VNN2: variants seen among roughly 807,000 people sequenced by gnomAD.
VNN2 encodes vanin 2, also known as pantetheine hydrolase VNN2.
VNN2 carries 43 observed loss-of-function variants against 43.0 expected under a neutral mutation model. The observed-to-expected ratio is 1.00, with a 90% CI of 0.78 to 1.29. VNN2 has a LOEUF of 1.29. Ranked by LOEUF, VNN2 falls within the 50% of genes most tolerant of loss-of-function variation. The pLI, the probability that VNN2 is intolerant of heterozygous loss-of-function variation, is 0.00. For missense variants in VNN2, 652 were observed against 619.7 expected (o/e 1.05, Z -0.55); for synonymous variants, 230 against 224.3 (o/e 1.03, Z -0.23).
chr6:132,758,045 T>TCTTC (rs1484257845), upstream of VNN2: 21 of 343,536 alleles, frequency 6.1e-5, no homozygotes, highest in African/African-American at 8.4e-4. Flanking sequence ...TCTTCTTTTT[T>TCTTC]TTTTTTTTTT....
intron 2 of VNN2, among the ~76,000 whole-genome samples, chr6:132,756,866 G>A (rs886541755): frequency 2.6e-5 from 4 of 152,090 alleles, no homozygotes; most frequent in African/African-American, 7.2e-5. Context: ...CAACTGCCAC[G>A]TTGACACCTC....
upstream of VNN2, among the ~76,000 whole-genome samples, chr6:132,759,438 C>CAAAAAAAAAAAAA (rs58195059): frequency 1.0e-4 from 7 of 69,164 alleles, no homozygotes; most frequent in Non-Finnish European, 1.2e-4. Flanking sequence ...AACTCCGTCT[C>CAAAAAAAAAAAAA]AAAAAAAAAA....
intron 2 of VNN2, 40 bp from the exon 3 acceptor site, chr6:132,756,075 A>T: frequency 2.7e-6 from 4 of 1,486,188 alleles, no homozygotes; most frequent in Non-Finnish European, 3.6e-6. Flanking sequence ...ATTTTAAAAA[A>T]ATATTTTAGT....
chr6:132,752,408 C>T (rs1343574477), intron 4 of VNN2, 53 bp downstream of exon 4: 4 of 1,539,274 alleles, frequency 2.6e-6, no homozygotes, highest in Admixed American at 4.1e-5. Context: ...CTGAGGCATT[C>T]ATTTCTCTGC....
At chr6:132,758,061 T>TGAGGCGGAG (rs1780614931), upstream of VNN2, 1 of 535,942 alleles carries the variant, frequency 1.9e-6, no homozygotes. Flanking sequence ...TTTTTTTTTT[T>TGAGGCGGAG]TTGAGGCGGA....
At chr6:132,758,943 C>T (rs1780657559), upstream of VNN2, among the ~76,000 whole-genome samples, 1 of 151,992 alleles carries the variant, frequency 6.6e-6, no homozygotes, top group African/African-American at 2.4e-5. Flanking sequence ...ACCCTTCCCT[C>T]CCCATCCTCC....
intron 3 of VNN2, chr6:132,753,584 C>G (rs1780268083): frequency 2.5e-6 from 1 of 405,382 alleles, no homozygotes. Context: ...ATGGAATCAA[C>G]AGTTAATAAA....
intron 5 of VNN2, among the ~76,000 whole-genome samples, chr6:132,750,497 G>GTGTATGTATATATGTATGTGTA: frequency 9.6e-6 from 1 of 103,684 alleles, no homozygotes; most frequent in African/African-American, 3.6e-5. Context: ...TTGTATATGT[G>GTGTATGTATATATGTATGTGTA]TATATATATA....
intron 1 of VNN2, among the ~76,000 whole-genome samples, chr6:132,763,097 C>A (rs148610297): frequency 1.9e-3 from 282 of 152,102 alleles, no homozygotes; most frequent in African/African-American, 6.3e-3. Flanking sequence ...TTGGTAAAGT[C>A]GGGATGACTG....
intron 5 of VNN2, 134 bp downstream of exon 5, chr6:132,751,011 T>TGC (rs1554217889): frequency 1.1e-5 from 10 of 935,696 alleles, no homozygotes; most frequent in Middle Eastern, 5.5e-4. Context: ...TGTGTGTGTG[T>TGC]TGTGTGTGTG....
At position 132,751,281 on chromosome 6, in the gene VNN2, G is replaced by T; in HGVS notation, c.1064C>A (p.Ala355Glu). 1 of 1,614,008 alleles carries T rather than the reference G, an allele frequency of 6.2e-7. No individual in the cohort carries two copies. Among genetic ancestry groups the T allele is most frequent in the Admixed American group, 1.7e-5 (1 of 59,988 alleles). Reference protein sequence around the residue: ...GFNFTELFENAGNLTVCQKEL... With the variant: ...GFNFTELFENEGNLTVCQKEL... The stretch of plus-strand genomic sequence containing the variant: ...CTTTTGACAGACTGTAAGGTTTCCT[G>T]CATTTTCAAAAAGTTCTGTGAAGTT... The change falls in exon 5 of 7, where the codon GCA (alanine) becomes GAA (glutamate). Residue 355 changes from alanine (A) to glutamate (E), a missense_variant. Ala to Glu is a moderately radical substitution (Grantham distance 107). Coordinates refer to ENST00000326499, the MANE Select transcript of VNN2 (RefSeq NM_004665.6).
Position 132,756,024 on chromosome 6 carries a change from G to A in VNN2, c.356C>T (p.Thr119Ile). 1 of 1,600,728 alleles carries A rather than the reference G, an allele frequency of 6.2e-7. No individual in the cohort carries two copies. The change falls in exon 3 of 7, where the codon ACA (threonine) becomes ATA (isoleucine). Residue 119 changes from threonine to isoleucine, a missense_variant. Thr to Ile is a moderately conservative substitution (Grantham distance 89, BLOSUM62 -1). Transcript: ENST00000326499. The part of the protein sequence containing the change: ...PCQDPHRFGH[T>I]PVQARLSCLA... ...GCAGCTGAGTCTTGCTTGTACTGGTGTGTGACCAAATCTAAACCAAATTAT... is the reference window on the plus strand; with the variant it reads ...GCAGCTGAGTCTTGCTTGTACTGGTATGTGACCAAATCTAAACCAAATTAT...
At chr6:132,755,384 T>TC (rs35037759) in intron 3 of VNN2, among the ~76,000 whole-genome samples, 2 of 37,952 alleles carry the variant, frequency 5.3e-5, no homozygotes, top group Non-Finnish European at 8.8e-5. Context: ...CTTTTTTTTC[T>TC]TTTTTTTTTT....
chr6:132,753,803 A>G (rs9493427), intron 3 of VNN2: 44,270 of 175,430 alleles, frequency 0.25, 7,669 homozygotes, highest in African/African-American at 0.5. Context: ...AAATCCAAAA[A>G]TTAGCCGGGT....
upstream of VNN2, chr6:132,757,957 A>G (rs1780590987): frequency 1.6e-6 from 2 of 1,228,340 alleles, no homozygotes; most frequent in Non-Finnish European, 2.2e-6. Flanking sequence ...ATGTTTGCAT[A>G]ACATGTGGCT....
Position 132,752,762 on chromosome 6 carries a change from G to C in VNN2, c.538-13C>G. On this transcript the variant is annotated splice_polypyrimidine_tract_variant and intron_variant, in intron 3 of 6. Coordinates refer to ENST00000326499, the MANE Select transcript of VNN2 (RefSeq NM_004665.6). ...AGTACAGGTGGTACTACAACAAATG[G>C]ATAGGAGAAAACCAGTAAAACCTTA... 6.2e-7 allele frequency: 1 copy of C among 1,602,178 alleles called. No individual in the cohort carries two copies. The highest frequency in any genetic ancestry group is 8.5e-7 in the Non-Finnish European group (1 of 1,174,506).
chr6:132,751,909 AGGATCTAATTCCTTTCCCCTTGAAGAGG>A (rs1426177349), intron 4 of VNN2, among the ~76,000 whole-genome samples: 1 of 152,210 alleles, frequency 6.6e-6, no homozygotes, highest in Non-Finnish European at 1.5e-5. Flanking sequence ...TTCTGGTGGG[AGGATCTAATTCCTTTCCCCTTGAAGAGG>A]GGCTGGACTT....
chr6:132,746,467 C>T (rs1261548932), intron 6 of VNN2, among the ~76,000 whole-genome samples: 1 of 152,094 alleles, frequency 6.6e-6, no homozygotes, highest in African/African-American at 2.4e-5. Flanking sequence ...CTAGAAACAA[C>T]ATATTCACAG....
At position 132,744,440 on chromosome 6, in the gene VNN2, G is replaced by T. The variant is rs755488281; in HGVS notation, c.1423C>A (p.Leu475Ile). 6.2e-7 allele frequency: 1 copy of T among 1,611,446 alleles called. No homozygotes were observed. Among genetic ancestry groups the T allele is most frequent in the Non-Finnish European group, 8.5e-7 (1 of 1,179,048 alleles). The change falls in exon 7 of 7, where the codon CTA (leucine) becomes ATA (isoleucine). Residue 475 changes from leucine to isoleucine, a missense_variant. Leu to Ile is a conservative substitution (Grantham distance 5). Coordinates refer to ENST00000326499, the MANE Select transcript of VNN2 (RefSeq NM_004665.6). The stretch of plus-strand genomic sequence containing the variant: ...CACCTCCCAAAGAGTGACACTGTTA[G>T]TATAGGCCCAGATGATCCATTCTTG... ...VNKNGSSGPILTVSLFGRWYT... is the reference protein window; with the variant it reads ...VNKNGSSGPIITVSLFGRWYT...
Sources: allele counts gnomAD v4.1 joint callset (sites outside exome capture counted in the v4.1 genomes callset), GRCh38; gene constraint gnomAD v4.1.1; transcripts MANE v1.5; gene names NCBI Gene and HGNC (gene_info 2026-07-23, HGNC 2026-07-21).